INSC: variants seen among roughly 807,000 people sequenced by gnomAD.
INSC encodes the protein protein inscuteable homolog.
INSC carries 67 observed loss-of-function variants against 58.6 expected under a neutral mutation model. The ratio of observed to expected loss-of-function variants is 1.14; its 90% CI spans 0.94 to 1.40. The LOEUF is 1.40. INSC is among the 40% of genes most tolerant of loss of function. The pLI is 0.00. For synonymous variants in INSC, 262 were observed against 276.1 expected, an observed-to-expected ratio of 0.95 and a Z score of 0.51; for missense variants, 714 against 692.0, an observed-to-expected ratio of 1.03 and a Z score of -0.36.
the INSC span, among the ~76,000 whole-genome samples, chr11:15,264,045 G>T: frequency 2.7e-4 from 41 of 149,826 alleles, no homozygotes; most frequent in South Asian, 8.5e-3. Context: ...GCTTTGAAAG[G>T]CCCCTTTAGT....
At chr11:15,149,025 T>TA in intron 1 of INSC, 105 bp from the exon 2 acceptor site, 5 of 1,336,214 alleles carry the variant, frequency 3.7e-6, no homozygotes, top group Non-Finnish European at 4.9e-6. Flanking sequence ...TAAGAAGTCT[T>TA]ACCTCTTTGT....
chr11:15,220,991 A>G (rs774218534), intron 7 of INSC, among the ~76,000 whole-genome samples: 1 of 152,190 alleles, frequency 6.6e-6, no homozygotes, highest in Admixed American at 6.5e-5. Flanking sequence ...TTTCCTGAGC[A>G]TCTCTTCTAG....
chr11:15,166,168 G>A (rs1490877138), intron 2 of INSC, among the ~76,000 whole-genome samples: 1 of 152,150 alleles, frequency 6.6e-6, no homozygotes, highest in African/African-American at 2.4e-5. Context: ...GGTTCCTGGT[G>A]TCATGTGGGG....
At chr11:15,227,410 C>T (rs959469429) in intron 9 of INSC, among the ~76,000 whole-genome samples, 3 of 152,144 alleles carry the variant, frequency 2.0e-5, no homozygotes, top group Non-Finnish European at 4.4e-5. Context: ...ATGCAAGGAC[C>T]TGATGTAAGG....
chr11:15,260,085 G>A, the INSC span, among the ~76,000 whole-genome samples: 1 of 152,140 alleles, frequency 6.6e-6, no homozygotes, highest in Non-Finnish European at 1.5e-5. Flanking sequence ...CAGCCATGGA[G>A]CAGTGGAGAG....
chr11:15,246,091 A>G lies in INSC; in HGVS notation c.*51A>G, dbSNP rs372394928. The stretch of plus-strand genomic sequence containing the variant: ...GGCTGTTCTCACACCCCCTCTGACT[A>G]TGCACCAGTGAACACATCTGAGTAC... On this transcript the variant is annotated 3_prime_UTR_variant, in exon 13 of 13. Coordinates refer to ENST00000379556, the MANE Select transcript of INSC (RefSeq NM_001042536.3). 2 of 1,607,286 alleles carry G rather than the reference A, an allele frequency of 1.2e-6. No homozygotes were observed. The highest frequency in any genetic ancestry group is 1.1e-5 in the South Asian group (1 of 90,504).
intron 7 of INSC, among the ~76,000 whole-genome samples, chr11:15,217,548 G>A (rs572266318): frequency 1.7e-4 from 26 of 152,270 alleles, no homozygotes; most frequent in Non-Finnish European, 2.1e-4. Context: ...GGTGTGGGGC[G>A]CTTGAGTGGC....
At position 15,159,434 on chromosome 11, in the gene INSC, G is replaced by A. The variant is rs913900451; in HGVS notation, c.56+10204G>A. Among the ~76,000 whole-genome samples, 3 of 152,134 alleles carry A rather than the reference G, an allele frequency of 2.0e-5. No individual in the cohort carries two copies. In the South Asian group the frequency reaches 6.2e-4, roughly 31 times the overall value. On this transcript the variant is annotated intron_variant, in intron 2 of 12. Transcript: ENST00000379556. Reference sequence around the variant, plus strand: ...AAATGAAAATATTCTCTTTAAAGTAGGGAGAAGAACAGAATAGAAAAAACA... The same window carrying A: ...AAATGAAAATATTCTCTTTAAAGTAAGGAGAAGAACAGAATAGAAAAAACA...
chr11:15,136,495 T>C (rs956026888), intron 1 of INSC, among the ~76,000 whole-genome samples: 4 of 152,214 alleles, frequency 2.6e-5, no homozygotes, highest in African/African-American at 9.6e-5. Flanking sequence ...ATTTTACCTA[T>C]AGTAAAACTT....
chr11:15,176,328 C>T (rs926037984), intron 3 of INSC, among the ~76,000 whole-genome samples: 20 of 151,830 alleles, frequency 1.3e-4, no homozygotes, highest in African/African-American at 3.9e-4. Context: ...GAGGTAGGTG[C>T]CACTACTTTG....
intron 11 of INSC, among the ~76,000 whole-genome samples, chr11:15,239,555 G>A (rs1037992656): frequency 7.2e-5 from 11 of 152,016 alleles, no homozygotes; most frequent in Non-Finnish European, 1.0e-4. Flanking sequence ...AACAAATATT[G>A]TCAGAGCACC....
rs567692386 is a variant in INSC, at chr11:15,224,842, G to T, written c.992-808G>T. ...AATGGGGGAATTTGGTTAGGGCTAA[G>T]CTAGGACCACTAGGATTAAAGAGCC... On this transcript the variant is annotated intron_variant, in intron 8 of 12. Coordinates refer to ENST00000379556, the MANE Select transcript of INSC (RefSeq NM_001042536.3). 1.5e-4 allele frequency among the ~76,000 whole-genome samples: 23 copies of T among 152,344 alleles called. No homozygotes were observed. In the South Asian group the frequency reaches 4.6e-3, roughly 30 times the overall value.
intron 1 of INSC, among the ~76,000 whole-genome samples, chr11:15,120,454 G>A (rs1377267147): frequency 1.3e-5 from 2 of 152,206 alleles, no homozygotes; most frequent in East Asian, 1.9e-4. Flanking sequence ...AGGCCTTCCC[G>A]AAAGTGTAAG....
chr11:15,254,968 A>G, the INSC span, among the ~76,000 whole-genome samples: 1 of 152,226 alleles, frequency 6.6e-6, no homozygotes, highest in African/African-American at 2.4e-5. Flanking sequence ...GTTCTGTGCC[A>G]GGCACTGTAT....
chr11:15,239,340 T>C (rs1852254401), intron 11 of INSC, among the ~76,000 whole-genome samples: 2 of 152,204 alleles, frequency 1.3e-5, no homozygotes, highest in African/African-American at 4.8e-5. Flanking sequence ...AAGAACCCCA[T>C]TCTTTCATTC....
Position 15,176,048 on chromosome 11 carries a change from A to G in INSC, c.364A>G (p.Ser122Gly). The G allele has an allele frequency of 6.5e-7, 1 of 1,550,044 alleles. No homozygotes were observed. The highest frequency in any genetic ancestry group is 1.2e-5 in the South Asian group (1 of 85,362). Residue 122 changes from serine (S) to glycine (G), a missense_variant, in exon 3 of 13, where the codon AGT becomes GGT. Coordinates refer to ENST00000379556, the MANE Select transcript of INSC (RefSeq NM_001042536.3). ...TGCCCGCTCCATGGTCAGCGAGTAC[A>G]GTGCTGTCAGCAGGAACTCCTTGAA... ...CHARSMVSEY[S>G]AVSRNSLKEM...
upstream of INSC, chr11:15,112,680 G>T: frequency 1.5e-6 from 1 of 684,872 alleles, no homozygotes; most frequent in South Asian, 3.1e-5. Context: ...GTGCCTCCAG[G>T]GAACATCTAA....
upstream of INSC, among the ~76,000 whole-genome samples, chr11:15,113,876 C>T (rs77444570): frequency 0.033 from 5,011 of 152,212 alleles, 292 homozygotes; most frequent in African/African-American, 0.11. Context: ...AGTGGGACCT[C>T]GGCGTGGTCG....
intron 9 of INSC, among the ~76,000 whole-genome samples, chr11:15,231,679 T>C (rs1851931238): frequency 6.6e-6 from 1 of 152,262 alleles, no homozygotes; most frequent in Non-Finnish European, 1.5e-5. Context: ...GTTGGCCTTT[T>C]GGTCCTAATT....
Sources: allele counts gnomAD v4.1 joint callset (sites outside exome capture counted in the v4.1 genomes callset), GRCh38; gene constraint gnomAD v4.1.1; transcripts MANE v1.5; gene names NCBI Gene and HGNC (gene_info 2026-07-23, HGNC 2026-07-21).